Variants in PTPRD observed in about 807,000 individuals in gnomAD.
The protein encoded by PTPRD is protein tyrosine phosphatase receptor type D.
Under a neutral mutation model 214.5 loss-of-function variants are expected in PTPRD, and 34 were observed. That is an observed-to-expected ratio of 0.16 (90% CI 0.12 to 0.21). PTPRD has a LOEUF of 0.21. Ranked by LOEUF, PTPRD falls within the 10% of genes least tolerant of loss-of-function variation. The pLI, the probability that PTPRD is intolerant of heterozygous loss-of-function variation, is 1.00. For missense variants in PTPRD, 2,545 were observed against 2,398.7 expected, an observed-to-expected ratio of 1.06 and a Z score of -1.27; for synonymous variants, 1,128 against 845.7, an observed-to-expected ratio of 1.33 and a Z score of -5.79.
Position 8,317,142 on chromosome 9 carries a change from T to A in PTPRD, c.*732A>T. ...ATCTGACGAGACTGATACTGTAGAT[T>A]GAGTTTTGCACAAAAATGTGCAAAT... On this transcript the variant is annotated 3_prime_UTR_variant, in exon 46 of 46. Transcript: ENST00000381196. 1 of 231,774 alleles carries A rather than the reference T, an allele frequency of 4.3e-6. No homozygotes were observed. Among genetic ancestry groups the A allele is most frequent in the Non-Finnish European group, 8.6e-6 (1 of 116,950 alleles). The allele number at this position is 231,774 out of a possible 1,614,324, so 14.4% of individuals were successfully genotyped here.
At chr9:8,688,154 T>A (rs1031980120) in intron 12 of PTPRD, among the ~76,000 whole-genome samples, 6 of 152,234 alleles carry the variant, frequency 3.9e-5, no homozygotes, top group African/African-American at 1.4e-4. Context: ...ATCGTTTTCA[T>A]AAGGGACAGA....
intron 10 of PTPRD, among the ~76,000 whole-genome samples, chr9:9,033,098 A>C (rs1269143915): frequency 6.6e-6 from 1 of 152,080 alleles, no homozygotes; most frequent in Non-Finnish European, 1.5e-5. Context: ...TGGGATGGGC[A>C]GCTGTACTCT....
chr9:10,571,633 TA>T (rs1431101787), intron 2 of PTPRD, among the ~76,000 whole-genome samples: 4 of 152,114 alleles, frequency 2.6e-5, no homozygotes, highest in African/African-American at 9.7e-5. Flanking sequence ...ACTGTGTATG[TA>T]AAATGCCAAT....
intron 5 of PTPRD, among the ~76,000 whole-genome samples, chr9:9,849,352 T>TA (rs545488284): frequency 1.5e-3 from 233 of 151,286 alleles, no homozygotes; most frequent in African/African-American, 4.8e-3. Flanking sequence ...AGGCATCAAA[T>TA]AAAAAAAAAT....
intron 34 of PTPRD, among the ~76,000 whole-genome samples, chr9:8,449,183 A>G (rs1469865759): frequency 6.6e-6 from 1 of 152,198 alleles, no homozygotes; most frequent in Admixed American, 6.5e-5. Context: ...CTCTCTAGTA[A>G]GAAGCCTGAA....
intron 3 of PTPRD, among the ~76,000 whole-genome samples, chr9:10,109,561 T>C (rs2098670947): frequency 6.6e-6 from 1 of 152,180 alleles, no homozygotes; most frequent in Admixed American, 6.5e-5. Context: ...TAATCAACTT[T>C]TACTCAGGCA....
chr9:10,164,508 T>C (rs1195460762), intron 3 of PTPRD, among the ~76,000 whole-genome samples: 3 of 151,570 alleles, frequency 2.0e-5, no homozygotes, highest in Admixed American at 1.3e-4. Context: ...AGGGGCAGTA[T>C]GGAAGATCTA....
chr9:10,518,284 G>A (rs541963070), intron 2 of PTPRD, among the ~76,000 whole-genome samples: 1 of 152,214 alleles, frequency 6.6e-6, no homozygotes, highest in East Asian at 1.9e-4. Flanking sequence ...TTTCATTAGG[G>A]AAGCTGAAGA....
intron 19 of PTPRD, among the ~76,000 whole-genome samples, chr9:8,522,558 C>A (rs1330319024): frequency 6.6e-6 from 1 of 152,148 alleles, no homozygotes; most frequent in African/African-American, 2.4e-5. Context: ...TTGAGGGACA[C>A]TGGATCTAAA....
chr9:8,619,515 C>G (rs1377354857), intron 14 of PTPRD, among the ~76,000 whole-genome samples: 1 of 151,938 alleles, frequency 6.6e-6, no homozygotes, highest in African/African-American at 2.4e-5. Context: ...GGTATAACAA[C>G]CAAATGCATT....
At chr9:10,349,337 T>C (rs372187419) in intron 2 of PTPRD, among the ~76,000 whole-genome samples, 3 of 152,172 alleles carry the variant, frequency 2.0e-5, no homozygotes, top group African/African-American at 7.2e-5. Flanking sequence ...TTGATTGACA[T>C]ATGCACACAA....
intron 2 of PTPRD, among the ~76,000 whole-genome samples, chr9:10,592,469 C>T (rs1364801922): frequency 6.6e-6 from 1 of 151,946 alleles, no homozygotes; most frequent in Non-Finnish European, 1.5e-5. Flanking sequence ...ATTACAGTAT[C>T]TCATGAATAA....
intron 11 of PTPRD, among the ~76,000 whole-genome samples, chr9:8,837,090 A>T (rs1440967195): frequency 7.1e-6 from 1 of 140,968 alleles, no homozygotes; most frequent in Non-Finnish European, 1.5e-5. Flanking sequence ...CAGTGGTACG[A>T]TCTCCGCTCA....
At chr9:9,568,612 T>C (rs2085338334) in intron 8 of PTPRD, among the ~76,000 whole-genome samples, 1 of 151,968 alleles carries the variant, frequency 6.6e-6, no homozygotes, top group Non-Finnish European at 1.5e-5. Context: ...GTCATACATG[T>C]ATGGATTTAT....
intron 3 of PTPRD, among the ~76,000 whole-genome samples, chr9:10,074,230 G>A (rs2098089510): frequency 6.6e-6 from 1 of 152,074 alleles, no homozygotes; most frequent in Non-Finnish European, 1.5e-5. Flanking sequence ...TTAAGACCAT[G>A]GGCCAGTTGG....
At chr9:10,279,624 A>C (rs1291955126) in intron 3 of PTPRD, among the ~76,000 whole-genome samples, 1 of 151,634 alleles carries the variant, frequency 6.6e-6, no homozygotes, top group East Asian at 1.9e-4. Flanking sequence ...CTCAACCTTC[A>C]TTATGTGTTC....
chr9:8,358,939 C>G (rs534207233), intron 39 of PTPRD, among the ~76,000 whole-genome samples: 2 of 150,536 alleles, frequency 1.3e-5, no homozygotes, highest in East Asian at 2.0e-4. Flanking sequence ...AACCCCGTCT[C>G]TACTAAAAAT....
chr9:10,485,922 C>G (rs1263575064), intron 2 of PTPRD, among the ~76,000 whole-genome samples: 1 of 152,022 alleles, frequency 6.6e-6, no homozygotes. Flanking sequence ...GTATCAGTTG[C>G]AGTATCTCCT....
chr9:10,576,238 ATATCT>A (rs1204400095), intron 2 of PTPRD, among the ~76,000 whole-genome samples: 8 of 152,110 alleles, frequency 5.3e-5, no homozygotes, highest in Non-Finnish European at 8.8e-5. Flanking sequence ...CAGTCTAATG[ATATCT>A]TATAAGAATT....
Sources: gnomAD v4.1 joint callset for allele counts (sites outside exome capture counted in the v4.1 genomes callset) on GRCh38, gnomAD v4.1.1 for gene constraint, MANE v1.5 for transcripts, NCBI Gene and HGNC (gene_info 2026-07-23, HGNC 2026-07-21) for gene names.